The following ARHGAP24 variants were observed in gnomAD, a reference collection of about 807,000 sequenced individuals.
ARHGAP24 encodes Rho GTPase activating protein 24.
In ARHGAP24, 50 loss-of-function variants were observed where a neutral mutation model predicts 76.4. That is an observed-to-expected ratio of 0.65 (90% CI 0.52 to 0.83). The LOEUF is 0.83. Among genes scored for constraint, ARHGAP24 ranks in the 40% least tolerant of loss-of-function variants. The probability of loss-of-function intolerance (pLI) is 0.00; values close to 1 mark genes in which losing one functional copy is unlikely to be tolerated. For synonymous variants in ARHGAP24, 345 were observed against 323.3 expected (o/e 1.07, Z -0.72); for missense variants, 930 against 914.2 (o/e 1.02, Z -0.22).
intron 1 of ARHGAP24, among the ~76,000 whole-genome samples, chr4:85,561,968 G>A (rs762650180): frequency 2.4e-4 from 36 of 152,264 alleles, no homozygotes; most frequent in African/African-American, 1.2e-4. Flanking sequence ...AGGCCGAGGC[G>A]GGCATCTATA....
At chr4:85,732,620 G>A (rs1323746551) in intron 3 of ARHGAP24, among the ~76,000 whole-genome samples, 1 of 151,796 alleles carries the variant, frequency 6.6e-6, no homozygotes, top group African/African-American at 2.4e-5. Flanking sequence ...CTATTCATTT[G>A]TGGGTTCATT....
At chr4:85,658,389 A>AT (rs956134271) in intron 2 of ARHGAP24, among the ~76,000 whole-genome samples, 1 of 151,954 alleles carries the variant, frequency 6.6e-6, no homozygotes, top group Non-Finnish European at 1.5e-5. Context: ...GCTTCTCAGA[A>AT]TTTTTTTTAA....
At chr4:85,707,406 G>A (rs1230468440) in intron 2 of ARHGAP24, among the ~76,000 whole-genome samples, 1 of 82,936 alleles carries the variant, frequency 1.2e-5, no homozygotes, top group Non-Finnish European at 2.5e-5. Flanking sequence ...ATTTTATTTT[G>A]ACTGAGATAA....
At chr4:85,805,462 T>G (rs1288882626) in intron 3 of ARHGAP24, among the ~76,000 whole-genome samples, 1 of 152,190 alleles carries the variant, frequency 6.6e-6, no homozygotes, top group African/African-American at 2.4e-5. Context: ...CAGTAAGGAC[T>G]TTAATTAACT....
intron 9 of ARHGAP24, chr4:86,000,080 C>CTTT (rs35831725): frequency 0.065 from 9,353 of 143,398 alleles, 730 homozygotes; most frequent in African/African-American, 0.18. Flanking sequence ...TTATTGCCCT[C>CTTT]TTTTTTTTTT....
chr4:85,973,833 G>GTTTTTTTTTTT lies in ARHGAP24; in HGVS notation c.733-1038_733-1028dup, dbSNP rs1199796194. 2.3e-3 allele frequency among the ~76,000 whole-genome samples: 100 copies of GTTTTTTTTTTT among 42,800 alleles called. 32 individuals are homozygous for GTTTTTTTTTTT. The highest frequency in any genetic ancestry group is 7.9e-3 in the African/African-American group (75 of 9,520). 28.1% of individuals were successfully genotyped at this position (42,800 alleles called of 152,430 possible). On this transcript the variant is annotated intron_variant, in intron 6 of 9. Coordinates refer to ENST00000395184, the MANE Select transcript of ARHGAP24 (RefSeq NM_001025616.3). ...CTCATGTCAAAAACTGCTGCCTATT[G>GTTTTTTTTTTT]TTTTTTTTTTTTTTTTTTTTTTTTT...
chr4:85,856,408 A>G (rs868472837), intron 3 of ARHGAP24, among the ~76,000 whole-genome samples: 4 of 151,014 alleles, frequency 2.6e-5, no homozygotes, highest in African/African-American at 9.7e-5. Context: ...CCACTTTCTT[A>G]CTTTTTACAA....
At chr4:85,964,770 A>G (rs1249199168) in intron 5 of ARHGAP24, among the ~76,000 whole-genome samples, 1 of 152,094 alleles carries the variant, frequency 6.6e-6, no homozygotes, top group Non-Finnish European at 1.5e-5. Flanking sequence ...GCTCAAAGTA[A>G]TCTCTATCTT....
chr4:85,956,289 G>GT (rs1737896377), intron 5 of ARHGAP24, among the ~76,000 whole-genome samples: 3 of 152,242 alleles, frequency 2.0e-5, no homozygotes. Context: ...TTTATTTACA[G>GT]TAACTCTTAA....
intron 2 of ARHGAP24, among the ~76,000 whole-genome samples, chr4:85,639,822 G>A (rs557147481): frequency 5.3e-5 from 8 of 152,186 alleles, no homozygotes; most frequent in East Asian, 1.9e-4. Flanking sequence ...AAGGCAAAAG[G>A]TAAGACTAGG....
intron 3 of ARHGAP24, among the ~76,000 whole-genome samples, chr4:85,879,125 T>C (rs1733097745): frequency 6.6e-6 from 1 of 152,238 alleles, no homozygotes; most frequent in Non-Finnish European, 1.5e-5. Context: ...GAACATACTA[T>C]ATGAATTAAT....
chr4:85,579,543 T>C (rs1727521983), intron 2 of ARHGAP24, among the ~76,000 whole-genome samples: 1 of 151,266 alleles, frequency 6.6e-6, no homozygotes, highest in Non-Finnish European at 1.5e-5. Flanking sequence ...CTTCTTTAGC[T>C]TTATCTTGCC....
chr4:85,540,998 T>C lies in ARHGAP24; in HGVS notation c.-20-29524T>C, dbSNP rs116322934. 6.6e-3 allele frequency among the ~76,000 whole-genome samples: 1,009 copies of C among 152,196 alleles called. 13 individuals carry two copies. The highest frequency in any genetic ancestry group is 0.023 in the African/African-American group (942 of 41,528). ...GGCTTAATATATATTATAATAGATTTAGGTTCCCAAAACTGTAGGTTTCTT... is the reference window on the plus strand; with the variant it reads ...GGCTTAATATATATTATAATAGATTCAGGTTCCCAAAACTGTAGGTTTCTT... On this transcript the variant is annotated intron_variant, in intron 1 of 9. Transcript: ENST00000395184.
chr4:85,570,479 C>A, intron 1 of ARHGAP24, 43 bp from the exon 2 acceptor site: 2 of 1,457,810 alleles, frequency 1.4e-6, no homozygotes, highest in Non-Finnish European at 9.4e-7. Context: ...TTGAATATAA[C>A]AGAGCACCTC....
chr4:85,634,590 T>G (rs550272468), intron 2 of ARHGAP24, among the ~76,000 whole-genome samples: 2 of 152,026 alleles, frequency 1.3e-5, no homozygotes, highest in Admixed American at 1.3e-4. Flanking sequence ...AAAACACTAT[T>G]GTTCATTCTT....
chr4:85,810,743 A>G (rs910918251), intron 3 of ARHGAP24, among the ~76,000 whole-genome samples: 2 of 152,236 alleles, frequency 1.3e-5, no homozygotes, highest in African/African-American at 4.8e-5. Flanking sequence ...ACCCAATCAA[A>G]TTAAAAAAAA....
chr4:85,654,334 T>C (rs1194745969), intron 2 of ARHGAP24, among the ~76,000 whole-genome samples: 2 of 152,284 alleles, frequency 1.3e-5, no homozygotes, highest in Admixed American at 1.3e-4. Context: ...CTTATGACTC[T>C]ATGCAACCTT....
intron 2 of ARHGAP24, among the ~76,000 whole-genome samples, chr4:85,656,660 G>A (rs1049127981): frequency 6.6e-6 from 1 of 152,028 alleles, no homozygotes; most frequent in African/African-American, 2.4e-5. Context: ...TAGAGACAGG[G>A]TTTTACCATG....
intron 2 of ARHGAP24, among the ~76,000 whole-genome samples, chr4:85,665,987 A>G (rs1197477581): frequency 1.3e-5 from 2 of 152,032 alleles, no homozygotes; most frequent in Non-Finnish European, 2.9e-5. Context: ...TCTGACAATT[A>G]TGTGTCTTGA....
Sources: allele counts gnomAD v4.1 joint callset (sites outside exome capture counted in the v4.1 genomes callset), GRCh38; gene constraint gnomAD v4.1.1; transcripts MANE v1.5; gene names NCBI Gene and HGNC (gene_info 2026-07-23, HGNC 2026-07-21).